Variants in CHST11 observed in about 807,000 individuals in gnomAD.
The protein encoded by CHST11 is carbohydrate sulfotransferase 11.
CHST11 carries 9 observed loss-of-function variants against 30.4 expected under a neutral mutation model. That is an observed-to-expected ratio of 0.30 (90% CI 0.18 to 0.52). The LOEUF (loss-of-function observed/expected upper bound fraction) is 0.52. CHST11 is among the 20% of genes least tolerant of loss of function. CHST11 has a pLI of 0.97. For missense variants in CHST11, 348 were observed against 460.6 expected (o/e 0.76, Z 2.24); for synonymous variants, 152 against 187.8 (o/e 0.81, Z 1.56).
At chr12:104,506,069 T>C (rs1186339116) in intron 1 of CHST11, among the ~76,000 whole-genome samples, 1 of 152,172 alleles carries the variant, frequency 6.6e-6, no homozygotes, top group Non-Finnish European at 1.5e-5. Context: ...TCTGGAAACA[T>C]GGTAGTTATT....
chr12:104,710,612 G>A (rs888311508), intron 2 of CHST11, among the ~76,000 whole-genome samples: 49 of 152,296 alleles, frequency 3.2e-4, no homozygotes, highest in African/African-American at 1.1e-3. Context: ...GGAAGGTCTG[G>A]GAGGGCCAGC....
intron 1 of CHST11, among the ~76,000 whole-genome samples, chr12:104,578,865 G>A (rs2038710833): frequency 6.6e-6 from 1 of 152,180 alleles, no homozygotes; most frequent in Admixed American, 6.5e-5. Context: ...ATGTTCTCAG[G>A]TAAAAGCTAG....
At chr12:104,633,470 A>G (rs2039292232) in intron 2 of CHST11, among the ~76,000 whole-genome samples, 1 of 128,550 alleles carries the variant, frequency 7.8e-6, no homozygotes, top group African/African-American at 3.2e-5. Context: ...GCTGAAGTTC[A>G]GTCGCGTGAT....
At chr12:104,499,306 C>T (rs1168442310) in intron 1 of CHST11, among the ~76,000 whole-genome samples, 6 of 152,116 alleles carry the variant, frequency 3.9e-5, no homozygotes, top group Non-Finnish European at 7.4e-5. Flanking sequence ...CCGGGTGAGG[C>T]CTGTGACCAG....
intron 2 of CHST11, among the ~76,000 whole-genome samples, chr12:104,675,901 C>T (rs928991246): frequency 2.0e-5 from 3 of 152,174 alleles, no homozygotes; most frequent in Non-Finnish European, 4.4e-5. Flanking sequence ...AATTTGTGCT[C>T]GGAGAAGGTG....
chr12:104,684,315 A>G (rs1055571384), intron 2 of CHST11, among the ~76,000 whole-genome samples: 1 of 149,774 alleles, frequency 6.7e-6, no homozygotes, highest in African/African-American at 2.5e-5. Flanking sequence ...TAGATGGGTG[A>G]GTGAGTGGAT....
chr12:104,532,171 C>G (rs2135995486), intron 1 of CHST11, among the ~76,000 whole-genome samples: 1 of 152,316 alleles, frequency 6.6e-6, no homozygotes, highest in African/African-American at 2.4e-5. Context: ...GTCTTGTTGC[C>G]ATCAACAGCA....
At chr12:104,587,838 GTTTTTTGT>G (rs1408834618) in intron 1 of CHST11, among the ~76,000 whole-genome samples, 28 of 119,790 alleles carry the variant, frequency 2.3e-4, no homozygotes, top group Admixed American at 1.2e-3. Context: ...TTTGTTTTTT[GTTTTTTGT>G]TTTTTTTTTT....
At chr12:104,562,270 G>T (rs756387703) in intron 1 of CHST11, among the ~76,000 whole-genome samples, 3 of 152,098 alleles carry the variant, frequency 2.0e-5, no homozygotes, top group Non-Finnish European at 4.4e-5. Context: ...GGTCAAGTGG[G>T]CAGGGTTAGG....
rs34979854 is a variant in CHST11, at chr12:104,643,636, T to TCACACA, written c.204+41662_204+41667dup. On this transcript the variant is annotated intron_variant, in intron 2 of 2. Transcript: ENST00000303694. ...AAGAGGACATTCAGAGACTTTTTCTTCACACACACACACACACACACAAAG... is the reference window on the plus strand; with the variant it reads ...AAGAGGACATTCAGAGACTTTTTCTTCACACACACACACACACACACACACACAAAG... Among the ~76,000 whole-genome samples the TCACACA allele has an allele frequency of 7.0e-3, 1,056 of 150,532 alleles. 13 individuals carry two copies. Among genetic ancestry groups the TCACACA allele is most frequent in the African/African-American group, 0.024 (979 of 40,940 alleles).
At chr12:104,621,871 AG>A (rs2039162577) in intron 2 of CHST11, among the ~76,000 whole-genome samples, 4 of 152,218 alleles carry the variant, frequency 2.6e-5, no homozygotes. Context: ...TCCCAAGACC[AG>A]GGTCCAAAGG....
chr12:104,562,016 C>T (rs2038519096), intron 1 of CHST11, among the ~76,000 whole-genome samples: 1 of 152,144 alleles, frequency 6.6e-6, no homozygotes, highest in Non-Finnish European at 1.5e-5. Flanking sequence ...ATAGCTCCTA[C>T]TGCCCAGTCT....
rs2039929035 is a variant in CHST11 at position 104,694,759 on chromosome 12, G to T, written c.205-62190G>T. 2.0e-5 allele frequency among the ~76,000 whole-genome samples: 3 copies of T among 152,204 alleles called. No homozygotes were observed. In the South Asian group the frequency reaches 6.2e-4, roughly 32 times the overall value. On this transcript the variant is annotated intron_variant, in intron 2 of 2. Coordinates refer to ENST00000303694, the MANE Select transcript of CHST11 (RefSeq NM_018413.6). Reference sequence around the variant, plus strand: ...GAAAGGCCAAGCTGTCACTAGAGCTGTTCGTGATGGGAGAGTGATTAAAGC... The same window carrying T: ...GAAAGGCCAAGCTGTCACTAGAGCTTTTCGTGATGGGAGAGTGATTAAAGC...
At chr12:104,655,900 C>G (rs138678835) in intron 2 of CHST11, among the ~76,000 whole-genome samples, 4 of 152,240 alleles carry the variant, frequency 2.6e-5, no homozygotes, top group Admixed American at 6.5e-5. Context: ...TGGAGTTACT[C>G]TTTTAAGTCA....
intron 1 of CHST11, among the ~76,000 whole-genome samples, chr12:104,481,343 G>A (rs780908353): frequency 3.3e-5 from 5 of 152,234 alleles, no homozygotes; most frequent in East Asian, 1.9e-4. Flanking sequence ...TGTGCTTGGC[G>A]TGCTTTTCCT....
At chr12:104,632,720 T>C (rs1592805797) in intron 2 of CHST11, among the ~76,000 whole-genome samples, 1 of 152,232 alleles carries the variant, frequency 6.6e-6, no homozygotes, top group Admixed American at 6.5e-5. Context: ...GAAATGACCC[T>C]GGGTCCGTCA....
intron 2 of CHST11, among the ~76,000 whole-genome samples, chr12:104,722,923 G>A (rs576019552): frequency 6.6e-6 from 1 of 152,242 alleles, no homozygotes; most frequent in South Asian, 2.1e-4. Context: ...AAACCCACGT[G>A]TCCTACGGGA....
At chr12:104,491,503 CT>C (rs2037746155) in intron 1 of CHST11, among the ~76,000 whole-genome samples, 1 of 151,290 alleles carries the variant, frequency 6.6e-6, no homozygotes, top group African/African-American at 2.4e-5. Flanking sequence ...GGATCTGTTT[CT>C]GTTGCCCAGG....
intron 1 of CHST11, among the ~76,000 whole-genome samples, chr12:104,502,859 G>A (rs2037865302): frequency 6.6e-6 from 1 of 152,236 alleles, no homozygotes; most frequent in Non-Finnish European, 1.5e-5. Flanking sequence ...GAGTCAGCAA[G>A]AAAAGTGCCA....
Sources: gnomAD v4.1 joint callset for allele counts (sites outside exome capture counted in the v4.1 genomes callset) on GRCh38, gnomAD v4.1.1 for gene constraint, MANE v1.5 for transcripts, NCBI Gene and HGNC (gene_info 2026-07-23, HGNC 2026-07-21) for gene names.